Variants in RASA3 observed in about 807,000 individuals in gnomAD.
The protein encoded by RASA3 is ras GTPase-activating protein 3.
In RASA3, 73 loss-of-function variants were observed where a neutral mutation model predicts 110.0. The observed-to-expected ratio is 0.66, with a 90% CI of 0.55 to 0.81. The LOEUF (loss-of-function observed/expected upper bound fraction) is 0.81, where lower values mean the gene tolerates loss of function less well. Ranked by LOEUF, RASA3 falls within the 30% of genes least tolerant of loss-of-function variation. RASA3 has a pLI of 0.00. For synonymous variants in RASA3, 500 were observed against 451.4 expected, an observed-to-expected ratio of 1.11 and a Z score of -1.37; for missense variants, 976 against 1,113.2, an observed-to-expected ratio of 0.88 and a Z score of 1.75.
At chr13:114,080,420 G>A (rs896672885) in intron 1 of RASA3, among the ~76,000 whole-genome samples, 4 of 152,204 alleles carry the variant, frequency 2.6e-5, no homozygotes, top group African/African-American at 4.8e-5. Context: ...CAGGGGGTCT[G>A]CCTGTCGTCC....
At chr13:114,030,983 G>A (rs2054155125) in intron 4 of RASA3, among the ~76,000 whole-genome samples, 1 of 151,034 alleles carries the variant, frequency 6.6e-6, no homozygotes, top group Non-Finnish European at 1.5e-5. Context: ...GTAGCTGTGT[G>A]TCCGCCTGTG....
chr13:114,024,247 C>T (rs913066915), intron 8 of RASA3, 32 bp downstream of exon 8: 8 of 1,604,300 alleles, frequency 5.0e-6, no homozygotes, highest in South Asian at 1.1e-5. Flanking sequence ...TGAAAACTGC[C>T]AAGTTGGGGA....
In RASA3 at chr13:114,052,163, G is replaced by A. The variant is rs753088451; in HGVS notation, c.174-8C>T. On this transcript the variant is annotated splice_region_variant and splice_polypyrimidine_tract_variant and intron_variant, in intron 2 of 23. Transcript: ENST00000334062. ...TCTTCTCCGTAAAACGGGCTAGTGA[G>A]ACAAAGAAAAGCGCCAGTTAGAACA... is the stretch of plus-strand genomic sequence containing the variant. 1.1e-5 allele frequency: 18 copies of A among 1,600,834 alleles called. No individual in the cohort carries two copies. The highest frequency in any genetic ancestry group is 2.7e-5 in the African/African-American group (2 of 74,606).
intron 13 of RASA3, 109 bp from the exon 14 acceptor site, chr13:114,015,441 C>A: frequency 7.1e-7 from 1 of 1,418,098 alleles, no homozygotes; most frequent in Non-Finnish European, 9.6e-7. Context: ...AGGGCGGGCG[C>A]AGGGCAGCTG....
chr13:114,030,418 ACTCACACAGAGGGCAAGG>A (rs1338332130), intron 4 of RASA3, among the ~76,000 whole-genome samples: 3 of 77,182 alleles, frequency 3.9e-5, no homozygotes, highest in Non-Finnish European at 6.1e-5. Context: ...AGAGAGCAAG[ACTCACACAGAGGGCAAGG>A]CTCACACAGA....
chr13:114,060,055 G>C (rs1024104356), intron 2 of RASA3, among the ~76,000 whole-genome samples: 4 of 152,244 alleles, frequency 2.6e-5, no homozygotes, highest in African/African-American at 9.6e-5. Flanking sequence ...GAGGACAAGG[G>C]AACGCATGAA....
chr13:114,041,332 G>A (rs1009388813), intron 3 of RASA3, among the ~76,000 whole-genome samples: 4 of 152,204 alleles, frequency 2.6e-5, no homozygotes, highest in Non-Finnish European at 5.9e-5. Flanking sequence ...AAAAAATAAA[G>A]GAATGAGCCG....
chr13:114,087,673 G>A (rs1260314943), intron 1 of RASA3, among the ~76,000 whole-genome samples: 4 of 152,334 alleles, frequency 2.6e-5, no homozygotes, highest in African/African-American at 4.8e-5. Flanking sequence ...AGGCTGACAT[G>A]GGGCTGACGG....
intron 1 of RASA3, chr13:114,078,128 C>G (rs1476488350): frequency 2.1e-5 from 11 of 512,148 alleles, no homozygotes; most frequent in Non-Finnish European, 2.5e-5. Flanking sequence ...ACGGCCTGGC[C>G]ACGTCGCCCC....
intron 20 of RASA3, 151 bp from the exon 21 acceptor site, chr13:113,996,890 C>T (rs1262024472): frequency 5.9e-6 from 4 of 678,644 alleles, no homozygotes; most frequent in Non-Finnish European, 7.5e-6. Flanking sequence ...CTCTAAGCCC[C>T]AGAAGAGGCC....
intron 1 of RASA3, among the ~76,000 whole-genome samples, chr13:114,104,988 G>C (rs112777856): frequency 9.9e-5 from 15 of 151,642 alleles, no homozygotes; most frequent in African/African-American, 3.4e-4. Flanking sequence ...GTGGCCCCCA[G>C]GCTCTCGGCC....
chr13:114,077,776 C>T lies in RASA3; in HGVS notation c.56-3939G>A, dbSNP rs2079715778. ...GCCCCAAAACACACCAGGTTCCTCC[C>T]TCCCCGCCCGATGGCCCCGTCTTTA... On this transcript the variant is annotated intron_variant, in intron 1 of 23. Transcript: ENST00000334062. 8 of 970,106 alleles carry T rather than the reference C, an allele frequency of 8.2e-6. No individual in the cohort carries two copies. In the South Asian group the frequency reaches 3.3e-4, roughly 41 times the overall value. The allele number at this position is 970,106 out of a possible 1,614,324, so 60.1% of individuals were successfully genotyped here. A position where few individuals can be genotyped will look rare whatever the true frequency, so the allele number is the denominator to read the frequency against.
chr13:114,021,555 T>G (rs2274713), intron 8 of RASA3, 47 bp from the exon 9 acceptor site: 987,310 of 1,527,488 alleles, frequency 0.65, 322,267 homozygotes, highest in African/African-American at 0.88. Context: ...GGGCAGCCCG[T>G]GTGGAGCAAA....
At chr13:114,001,075 T>C (rs189214319) in intron 18 of RASA3, 143 bp from the exon 19 acceptor site, 1 of 635,220 alleles carries the variant, frequency 1.6e-6, no homozygotes. Flanking sequence ...CTCCGAGTGA[T>C]GAGATTAAAA....
At position 114,096,175 on chromosome 13, in the gene RASA3, A is replaced by G. The variant is rs932284512; in HGVS notation, c.56-22338T>C. On this transcript the variant is annotated intron_variant, in intron 1 of 23. Transcript: ENST00000334062. The surrounding 1 kb of genome is among the most constrained non-coding windows in gnomAD (Gnocchi z 5.1). ...GTGTGCCGGAAAAGGGGTGCTCTCC[A>G]GGTGGCCCTGGCGGCATCGGTGTGC... Among the ~76,000 whole-genome samples, 14 of 152,056 alleles carry G rather than the reference A, an allele frequency of 9.2e-5. No individual in the cohort carries two copies. Among genetic ancestry groups the G allele is most frequent in the African/African-American group, 3.4e-4 (14 of 41,402 alleles).
chr13:114,080,208 C>T (rs944247956), intron 1 of RASA3, among the ~76,000 whole-genome samples: 16 of 152,276 alleles, frequency 1.1e-4, no homozygotes, highest in African/African-American at 3.8e-4. Flanking sequence ...CAAGAGGACT[C>T]CTGTGGGTTA....
Position 114,057,858 on chromosome 13 carries a change from G to A in RASA3, c.174-5703C>T, listed in dbSNP as rs1325286364. ...CAGAACAATGGCTTCCCTGGGGTGCGGGCTCGGCCTGCAGGATGGAGGCTG... is the reference window on the plus strand; with the variant it reads ...CAGAACAATGGCTTCCCTGGGGTGCAGGCTCGGCCTGCAGGATGGAGGCTG... On this transcript the variant is annotated intron_variant, in intron 2 of 23. Transcript: ENST00000334062. The surrounding 1 kb of genome is among the most constrained non-coding windows in gnomAD (Gnocchi z 5.0). 2.0e-5 allele frequency among the ~76,000 whole-genome samples: 3 copies of A among 152,176 alleles called. No individual in the cohort carries two copies. The highest frequency in any genetic ancestry group is 2.9e-5 in the Non-Finnish European group (2 of 68,028).
intron 22 of RASA3, among the ~76,000 whole-genome samples, chr13:113,990,589 G>C (rs1448214695): frequency 6.6e-6 from 1 of 152,236 alleles, no homozygotes; most frequent in Non-Finnish European, 1.5e-5. Context: ...TGGCCACCCT[G>C]AGGCCTTGTG....
chr13:114,056,027 C>T lies in RASA3; in HGVS notation c.174-3872G>A, dbSNP rs1215124087. Among the ~76,000 whole-genome samples, 1 of 152,226 alleles carries T rather than the reference C, an allele frequency of 6.6e-6. No homozygotes were observed. Among genetic ancestry groups the T allele is most frequent in the South Asian group, 2.1e-4 (1 of 4,832 alleles). On this transcript the variant is annotated intron_variant, in intron 2 of 23. Transcript: ENST00000334062. This position sits in a 1 kb window ranked among gnomAD's most constrained non-coding sequence, Gnocchi z 5.7. ...CAGCAGCCGGCTTGTCAGGAAGCTG[C>T]AGCAGCTTCAGAGCAACCCAGGCCT...
Sources: gnomAD v4.1 joint callset for allele counts (sites outside exome capture counted in the v4.1 genomes callset) on GRCh38, gnomAD v4.1.1 for gene constraint, Gnocchi (gnomAD v3.1) non-coding constraint, MANE v1.5 for transcripts, NCBI Gene and HGNC (gene_info 2026-07-23, HGNC 2026-07-21) for gene names.